The following DESI2 variants were observed in gnomAD, a reference collection of about 807,000 sequenced individuals.
DESI2 encodes the protein deubiquitinase DESI2.
DESI2 carries 10 observed loss-of-function variants against 24.1 expected under a neutral mutation model. The ratio of observed to expected loss-of-function variants is 0.41; its 90% CI spans 0.26 to 0.70. DESI2 has a LOEUF of 0.70. DESI2 is among the 30% of genes least tolerant of loss of function. The pLI, the probability that DESI2 is intolerant of heterozygous loss-of-function variation, is 0.29. For synonymous variants in DESI2, 71 were observed against 87.7 expected, an observed-to-expected ratio of 0.81 and a Z score of 1.06; for missense variants, 122 against 234.9, an observed-to-expected ratio of 0.52 and a Z score of 3.14.
chr1:244,683,767 C>G (rs1453183988), intron 1 of DESI2, among the ~76,000 whole-genome samples: 1 of 151,946 alleles, frequency 6.6e-6, no homozygotes, highest in African/African-American at 2.4e-5. Context: ...GTTGCCCTGG[C>G]TGGAGTGCAG....
chr1:244,699,578 CAAAAAAAAAAAAAAAAAAAAAA>C (rs559295405), intron 4 of DESI2, among the ~76,000 whole-genome samples: 41 of 66,222 alleles, frequency 6.2e-4, no homozygotes, highest in East Asian at 1.7e-3. Flanking sequence ...GAGACTGTCT[CAAAAAAAAAAAAAAAAAAAAAA>C]AAAAAAAAAA....
intron 1 of DESI2, among the ~76,000 whole-genome samples, chr1:244,681,239 C>T (rs922311815): frequency 6.6e-6 from 1 of 152,172 alleles, no homozygotes; most frequent in African/African-American, 2.4e-5. Context: ...GCTTCTACTT[C>T]AGTGGGCAAG....
chr1:244,695,357 A>G (rs998917205), intron 4 of DESI2, among the ~76,000 whole-genome samples: 12 of 152,270 alleles, frequency 7.9e-5, no homozygotes, highest in Admixed American at 7.2e-4. Context: ...ATGTCTTTTT[A>G]AAATTAATAT....
At chr1:244,687,559 A>G (rs1403385293) in intron 2 of DESI2, among the ~76,000 whole-genome samples, 1 of 152,218 alleles carries the variant, frequency 6.6e-6, no homozygotes, top group Non-Finnish European at 1.5e-5. Context: ...AACACTATAC[A>G]CCAGTTTTAA....
intron 1 of DESI2, among the ~76,000 whole-genome samples, chr1:244,683,938 C>CA (rs1676725990): frequency 6.6e-6 from 1 of 151,424 alleles, no homozygotes; most frequent in African/African-American, 2.4e-5. Context: ...CTCCTGGCCT[C>CA]AAGCTGTCCT....
At chr1:244,658,300 TCA>T (rs1675716768) in intron 1 of DESI2, among the ~76,000 whole-genome samples, 1 of 152,204 alleles carries the variant, frequency 6.6e-6, no homozygotes, top group African/African-American at 2.4e-5. Context: ...GTCTTTATTC[TCA>T]CACAGTGAAA....
intron 4 of DESI2, among the ~76,000 whole-genome samples, chr1:244,699,200 T>G (rs73123427): frequency 0.017 from 2,630 of 152,226 alleles, 83 homozygotes; most frequent in African/African-American, 0.059. Context: ...AGTGAGTGGC[T>G]CTCTAAAACC....
rs186510802 is a variant in DESI2, at chr1:244,692,672, G to A, written c.351+652G>A. Among the ~76,000 whole-genome samples, 67 of 152,318 alleles carry A rather than the reference G, an allele frequency of 4.4e-4. 2 individuals carry two copies. In the East Asian group the frequency reaches 0.01, roughly 23 times the overall value. ...CTGTGAAGGGTGTAAAGGAGAGAAC[G>A]AGCTGCTGCTTCAGTGGCCTCCTCT... On this transcript the variant is annotated intron_variant, in intron 4 of 4. Coordinates refer to ENST00000302550, the MANE Select transcript of DESI2 (RefSeq NM_016076.5).
chr1:244,653,478 G>A (rs1458554030), intron 1 of DESI2, 123 bp downstream of exon 1: 5 of 933,102 alleles, frequency 5.4e-6, no homozygotes, highest in Middle Eastern at 2.6e-4. Flanking sequence ...TAGTTCTCGG[G>A]GGAAGCCGGG....
chr1:244,695,445 A>G (rs2148813151), intron 4 of DESI2, among the ~76,000 whole-genome samples: 1 of 152,366 alleles, frequency 6.6e-6, no homozygotes, highest in South Asian at 2.1e-4. Context: ...CAAGGTCAAG[A>G]GATCAAGACC....
In DESI2 at chr1:244,706,898, T is replaced by G. The variant is rs1169141600; in HGVS notation, c.*1109T>G. ...CGTTAAAAAATCATATTTGTGTGTC[T>G]TAAGATTCATATTTATATGTTCTCT... On this transcript the variant is annotated 3_prime_UTR_variant, in exon 5 of 5. Transcript: ENST00000302550. The G allele has an allele frequency of 6.6e-6, 1 of 152,670 alleles. No homozygotes were observed. The highest frequency in any genetic ancestry group is 1.5e-5 in the Non-Finnish European group (1 of 68,050). 9.5% of individuals were successfully genotyped at this position (152,670 alleles called of 1,614,324 possible). A position where few individuals can be genotyped will look rare whatever the true frequency, so the allele number is the denominator to read the frequency against.
chr1:244,686,717 TAAAA>T, intron 2 of DESI2, 48 bp downstream of exon 2: 1 of 1,263,794 alleles, frequency 7.9e-7, no homozygotes, highest in Non-Finnish European at 1.2e-6. Context: ...TTTTGTACTT[TAAAA>T]GAGTTGCAAA....
At chr1:244,655,822 A>G (rs2148776778) in intron 1 of DESI2, among the ~76,000 whole-genome samples, 1 of 152,328 alleles carries the variant, frequency 6.6e-6, no homozygotes, top group South Asian at 2.1e-4. Flanking sequence ...ACTAGAGTAG[A>G]GCATAAATGA....
chr1:244,691,884 C>A lies in DESI2; in HGVS notation c.215C>A (p.Ala72Asp). ...TTTTCTTTTTGTTCTTTAAGAGAAG[C>A]TGTTGTTTTAGGGAGCACGGACTTC... ...ELGETFKFKE[A>D]VVLGSTDFLE... is the part of the protein sequence containing the mutation. The change falls in exon 4 of 5, where the codon GCT (alanine) becomes GAT (aspartate). Residue 72 changes from alanine to aspartate, a missense_variant. Physicochemically the swap from Ala to Asp is moderately radical, Grantham distance 126. Coordinates refer to ENST00000302550, the MANE Select transcript of DESI2 (RefSeq NM_016076.5). 6.5e-7 allele frequency: 1 copy of A among 1,547,736 alleles called. No homozygotes were observed. The highest frequency in any genetic ancestry group is 2.3e-5 in the Admixed American group (1 of 42,596).
At chr1:244,678,234 A>C (rs1676482176) in intron 1 of DESI2, among the ~76,000 whole-genome samples, 1 of 152,198 alleles carries the variant, frequency 6.6e-6, no homozygotes, top group African/African-American at 2.4e-5. Context: ...TTGTGGATGG[A>C]ATATTTCTCT....
chr1:244,687,288 C>T (rs1573214243), intron 2 of DESI2, among the ~76,000 whole-genome samples: 1 of 152,164 alleles, frequency 6.6e-6, no homozygotes. Context: ...TCAGGAGTCA[C>T]TCAAACCAAG....
chr1:244,675,186 T>G (rs1676376377), intron 1 of DESI2, among the ~76,000 whole-genome samples: 1 of 152,180 alleles, frequency 6.6e-6, no homozygotes. Context: ...TTATATGTAT[T>G]CTACATATAA....
chr1:244,703,000 C>CCTTTT (rs1456399408), intron 4 of DESI2, among the ~76,000 whole-genome samples: 3 of 131,638 alleles, frequency 2.3e-5, no homozygotes, highest in African/African-American at 8.6e-5. Context: ...TTTGCCAGCG[C>CCTTTT]TTTTTTTTTT....
intron 4 of DESI2, among the ~76,000 whole-genome samples, chr1:244,694,900 A>G (rs1420376331): frequency 6.6e-6 from 1 of 152,202 alleles, no homozygotes; most frequent in East Asian, 1.9e-4. Flanking sequence ...TAACAGAAAA[A>G]GTTTGCCAGC....
Sources: allele counts gnomAD v4.1 joint callset (sites outside exome capture counted in the v4.1 genomes callset), GRCh38; gene constraint gnomAD v4.1.1; transcripts MANE v1.5; gene names NCBI Gene and HGNC (gene_info 2026-07-23, HGNC 2026-07-21).